MTOR: variants seen among roughly 807,000 people sequenced by gnomAD.
MTOR encodes mechanistic target of rapamycin kinase, also known as serine/threonine-protein kinase mTOR.
A neutral mutation model predicts 319.8 loss-of-function variants in MTOR; 70 were observed. The observed-to-expected ratio is 0.22, with a 90% CI of 0.18 to 0.27. MTOR has a LOEUF of 0.27. Among genes scored for constraint, MTOR ranks in the 10% least tolerant of loss-of-function variants. The probability of loss-of-function intolerance (pLI) is 1.00; values close to 1 mark genes in which losing one functional copy is unlikely to be tolerated. For synonymous variants in MTOR, 1,183 were observed against 1,211.4 expected (o/e 0.98, Z 0.49); for missense variants, 1,890 against 3,274.4 (o/e 0.58, Z 10.32).
At chr1:11,182,442 TCA>T (rs1645191185) in intron 28 of MTOR, among the ~76,000 whole-genome samples, 1 of 152,236 alleles carries the variant, frequency 6.6e-6, no homozygotes, top group South Asian at 2.1e-4. Flanking sequence ...TGACTATGTG[TCA>T]GATACTAGTT....
rs1642125496 is a variant in MTOR, at chr1:11,115,628, A to G, written c.7017-160T>C. 1.5e-6 allele frequency: 1 copy of G among 651,134 alleles called. No homozygotes were observed. The highest frequency in any genetic ancestry group is 1.8e-5 in the African/African-American group (1 of 56,112). The allele number at this position is 651,134 out of a possible 1,614,324, so 40.3% of individuals were successfully genotyped here. A position where few individuals can be genotyped will look rare whatever the true frequency, so the allele number is the denominator to read the frequency against. On this transcript the variant is annotated intron_variant, in intron 50 of 57. Coordinates refer to ENST00000361445, the MANE Select transcript of MTOR (RefSeq NM_004958.4). This position sits in a 1 kb window ranked among gnomAD's most constrained non-coding sequence, Gnocchi z 4.5. ...TCTGCAAGTCCAGTTTTACTGGAACACACAGCACGCTCCCTTGTTTAAGTA... is the reference window on the plus strand; with the variant it reads ...TCTGCAAGTCCAGTTTTACTGGAACGCACAGCACGCTCCCTTGTTTAAGTA...
In MTOR at chr1:11,146,783, C is replaced by T; in HGVS notation, c.4579G>A (p.Asp1527Asn). Reference sequence around the variant, plus strand: ...ATACAGGTGTATTCTTCCATGCTGTCCCACTGACCTATACACACACACATA... The same window carrying T: ...ATACAGGTGTATTCTTCCATGCTGTTCCACTGACCTATACACACACACATA... ...AAAAWGLGQW[D>N]SMEEYTCMIP... is the part of the protein sequence containing the mutation. The change falls in exon 32 of 58, where the codon GAC becomes AAC. Residue 1527 changes from aspartate to asparagine, a missense_variant. Transcript: ENST00000361445. 1.2e-6 allele frequency: 2 copies of T among 1,613,046 alleles called. No homozygotes were observed. Among genetic ancestry groups the T allele is most frequent in the Non-Finnish European group, 1.7e-6 (2 of 1,179,060 alleles).
At chr1:11,215,660 T>C (rs1169305856) in intron 20 of MTOR, among the ~76,000 whole-genome samples, 2 of 152,168 alleles carry the variant, frequency 1.3e-5, no homozygotes, top group African/African-American at 4.8e-5. Flanking sequence ...ACCTGAGCCT[T>C]TTCTCATGTG....
chr1:11,213,445 C>T lies in MTOR; in HGVS notation c.3239G>A (p.Arg1080His), dbSNP rs754590649. The T allele has an allele frequency of 5.0e-6, 8 of 1,613,494 alleles. No homozygotes were observed. Among genetic ancestry groups the T allele is most frequent in the East Asian group, 2.2e-5 (1 of 44,900 alleles). Residue 1080 changes from arginine (R) to histidine (H), a missense_variant, in exon 21 of 58, where the codon CGT (arginine) becomes CAT (histidine). Around this residue, in one of 15 missense-constraint regions of MTOR, gnomAD observed 377 missense variants for 653.9 expected, o/e 0.58. Transcript: ENST00000361445. Reference protein sequence around the residue: ...YLPQLIPHMLRVFMHDNSPGR... With the variant: ...YLPQLIPHMLHVFMHDNSPGR... ...TGGGCTGTTGTCATGCATGAAGACA[C>T]GCAGCATGTGTGGGATCAGCTGGGG...
intron 32 of MTOR, 66 bp downstream of exon 32, chr1:11,146,610 A>AC (rs1327482333): frequency 2.4e-5 from 30 of 1,229,500 alleles, no homozygotes; most frequent in Non-Finnish European, 3.5e-5. Context: ...TTACCAAAGC[A>AC]CCGTGGGCTT....
chr1:11,124,761 A>C (rs1226477543), intron 46 of MTOR, 128 bp from the exon 47 acceptor site: 2 of 1,035,650 alleles, frequency 1.9e-6, no homozygotes, highest in Non-Finnish European at 1.3e-6. Context: ...CCTCACAAAA[A>C]GAAAAAACAA....
At chr1:11,236,800 C>A (rs572592429) in intron 13 of MTOR, among the ~76,000 whole-genome samples, 2 of 152,240 alleles carry the variant, frequency 1.3e-5, no homozygotes, top group African/African-American at 4.8e-5. Context: ...CATGAGCCAC[C>A]ACGCCCGGCC....
Position 11,112,840 on chromosome 1 carries a change from G to A in MTOR, c.7366+12C>T. 6.2e-7 allele frequency: 1 copy of A among 1,614,158 alleles called. No homozygotes were observed. Among genetic ancestry groups the A allele is most frequent in the Non-Finnish European group, 8.5e-7 (1 of 1,180,010 alleles). On this transcript the variant is annotated intron_variant, in intron 54 of 57. Transcript: ENST00000361445. ...GGGGAGAGCCTTTGCGACCTCCCGT[G>A]GATGCACCTACCGACTGACTGGCCA...
intron 37 of MTOR, 26 bp downstream of exon 37, chr1:11,134,325 T>C (rs375113221): frequency 2.2e-5 from 36 of 1,604,120 alleles, no homozygotes; most frequent in Non-Finnish European, 3.0e-5. Flanking sequence ...GGAATATGAC[T>C]TGCCCCAGGT....
At position 11,179,216 on chromosome 1, in the gene MTOR, T is replaced by C. The variant is rs79693171; in HGVS notation, c.4254-11699A>G. Among the ~76,000 whole-genome samples, 1,192 of 152,318 alleles carry C rather than the reference T, an allele frequency of 7.8e-3. 21 individuals are homozygous for C. The highest frequency in any genetic ancestry group is 0.027 in the African/African-American group (1,107 of 41,576). On this transcript the variant is annotated intron_variant, in intron 28 of 57. Coordinates refer to ENST00000361445, the MANE Select transcript of MTOR (RefSeq NM_004958.4). Reference sequence around the variant, plus strand: ...CCATGAGGCAGAGCCCAGCACCTACTAGATTTCATCAGTTCTAAGACACAC... The same window carrying C: ...CCATGAGGCAGAGCCCAGCACCTACCAGATTTCATCAGTTCTAAGACACAC...
intron 29 of MTOR, among the ~76,000 whole-genome samples, chr1:11,158,194 G>C (rs2100572733): frequency 1.3e-5 from 2 of 152,280 alleles, no homozygotes; most frequent in Non-Finnish European, 2.9e-5. Flanking sequence ...TTTTTGCACA[G>C]GCAAGGGTAG....
At chr1:11,187,048 C>T (rs1365407685) in intron 28 of MTOR, among the ~76,000 whole-genome samples, 1 of 152,188 alleles carries the variant, frequency 6.6e-6, no homozygotes, top group East Asian at 1.9e-4. Flanking sequence ...GGGACTGTTA[C>T]ATGGGGTACA....
At chr1:11,166,908 T>C (rs1571047579) in intron 29 of MTOR, among the ~76,000 whole-genome samples, 1 of 152,124 alleles carries the variant, frequency 6.6e-6, no homozygotes. Flanking sequence ...TGGAATACTA[T>C]GCAGCCATAA....
Position 11,115,600 on chromosome 1 carries a change from A to G in MTOR, c.7017-132T>C. ...CAGCCAATCCAGCCCCTCCACCTCC[A>G]CTTCTGCAAGTCCAGTTTTACTGGA... On this transcript the variant is annotated intron_variant, in intron 50 of 57. Transcript: ENST00000361445. The surrounding 1 kb of genome is among the most constrained non-coding windows in gnomAD (Gnocchi z 4.5). 1 of 760,188 alleles carries G rather than the reference A, an allele frequency of 1.3e-6. No individual in the cohort carries two copies. Among genetic ancestry groups the G allele is most frequent in the Admixed American group, 2.1e-5 (1 of 47,992 alleles). The allele number at this position is 760,188 out of a possible 1,614,324, so 47.1% of individuals were successfully genotyped here.
chr1:11,244,470 T>C (rs1648549778), intron 8 of MTOR, among the ~76,000 whole-genome samples: 1 of 150,960 alleles, frequency 6.6e-6, no homozygotes, highest in African/African-American at 2.4e-5. Context: ...CCGTCTCTAC[T>C]GAAATACAAA....
At chr1:11,194,584 C>A in intron 28 of MTOR, 2 of 1,614,174 alleles carry the variant, frequency 1.2e-6, no homozygotes, top group Non-Finnish European at 1.7e-6. Flanking sequence ...CCTCCAGTAT[C>A]ATAACAACAC....
chr1:11,193,590 A>G (rs1468540480), intron 28 of MTOR: 1 of 1,593,966 alleles, frequency 6.3e-7, no homozygotes, highest in Non-Finnish European at 8.5e-7. Context: ...GTGTTCTGTG[A>G]CATGGAGACT....
intron 13 of MTOR, among the ~76,000 whole-genome samples, chr1:11,234,550 T>C (rs998789250): frequency 6.6e-6 from 1 of 152,136 alleles, no homozygotes; most frequent in Non-Finnish European, 1.5e-5. Flanking sequence ...CTTTTAACCA[T>C]GTAGCACAGC....
intron 36 of MTOR, among the ~76,000 whole-genome samples, chr1:11,138,690 G>C (rs1643548548): frequency 6.6e-6 from 1 of 152,174 alleles, no homozygotes; most frequent in Non-Finnish European, 1.5e-5. Context: ...GCCAAAGCAG[G>C]TGATGACTTT....
Sources: gnomAD v4.1 joint callset for allele counts (sites outside exome capture counted in the v4.1 genomes callset) on GRCh38, gnomAD v4.1.1 for gene constraint, gnomAD v4.1.1 regional missense constraint, Gnocchi (gnomAD v3.1) non-coding constraint, MANE v1.5 for transcripts, NCBI Gene and HGNC (gene_info 2026-07-23, HGNC 2026-07-21) for gene names.